Variants in KLHL13 observed in about 807,000 individuals in gnomAD.
KLHL13 encodes the protein kelch like family member 13.
Under a neutral mutation model 37.1 loss-of-function variants are expected in KLHL13, and 10 were observed. The observed-to-expected ratio is 0.27, with a 90% confidence interval of 0.17 to 0.46. KLHL13 has a LOEUF of 0.46. Ranked by LOEUF, KLHL13 falls within the 20% of genes least tolerant of loss-of-function variation. KLHL13 has a pLI of 1.00. For missense variants in KLHL13, 360 were observed against 509.3 expected (o/e 0.71, Z 2.82); for synonymous variants, 163 against 181.2 (o/e 0.90, Z 0.81).
upstream of KLHL13, among the ~76,000 whole-genome samples, chrX:117,975,670 C>T (rs1194546505): frequency 1.4e-4 from 16 of 112,103 alleles, no homozygotes; most frequent in African/African-American, 5.2e-4. Context: ...GGATTAAAGG[C>T]GTGAGCCACC....
intron 1 of KLHL13, among the ~76,000 whole-genome samples, chrX:118,038,459 G>A (rs1462444784): frequency 1.8e-5 from 2 of 111,492 alleles, no homozygotes; most frequent in Admixed American, 9.5e-5. Context: ...CCCTGGCAGT[G>A]GCCACATTGT....
At chrX:118,053,848 A>AGGAGAGAGAGAGAGAGAGAGAGGGGG (rs2054653104) in intron 1 of KLHL13, among the ~76,000 whole-genome samples, 1 of 28,831 alleles carries the variant, frequency 3.5e-5, no homozygotes, top group Non-Finnish European at 5.3e-5. Context: ...AGAGAGAGAG[A>AGGAGAGAGAGAGAGAGAGAGAGGGGG]GGAGAGAGAG....
chrX:117,935,025 GTGTGAATATAAAA>G (rs1402095111), intron 2 of KLHL13, among the ~76,000 whole-genome samples: 1 of 112,336 alleles, frequency 8.9e-6, no homozygotes, highest in African/African-American at 3.2e-5. Flanking sequence ...TGCACTGCCA[GTGTGAATATAAAA>G]TGGTGCAGAT....
intron 1 of KLHL13, among the ~76,000 whole-genome samples, chrX:117,992,554 C>G (rs2053806593): frequency 9.0e-6 from 1 of 110,623 alleles, no homozygotes; most frequent in South Asian, 3.9e-4. Context: ...CATACACACA[C>G]CCTAATTAGA....
chrX:117,972,665 C>A, intron 1 of KLHL13: 1 of 991,238 alleles, frequency 1.0e-6, no homozygotes, highest in Non-Finnish European at 1.4e-6. Flanking sequence ...TCCCCCGCCC[C>A]CATTTTGCCA....
At chrX:118,027,468 A>C (rs1313947603) in intron 1 of KLHL13, among the ~76,000 whole-genome samples, 1 of 111,442 alleles carries the variant, frequency 9.0e-6, no homozygotes, top group Admixed American at 9.6e-5. Context: ...ACACTTAAAA[A>C]AGCAACTTGA....
intron 1 of KLHL13, among the ~76,000 whole-genome samples, chrX:118,036,056 A>C (rs1488721831): frequency 9.7e-6 from 1 of 103,162 alleles, no homozygotes; most frequent in Non-Finnish European, 1.9e-5. Flanking sequence ...GGACCTCTTC[A>C]AGGAGAACTA....
At chrX:117,920,091 C>T in intron 3 of KLHL13, 147 bp downstream of exon 4, 1 of 519,511 alleles carries the variant, frequency 1.9e-6, no homozygotes, top group Admixed American at 4.3e-5. Flanking sequence ...GTTAAAACAG[C>T]ACCACCGAAA....
chrX:117,918,452 C>G (rs1602545841), intron 4 of KLHL13, among the ~76,000 whole-genome samples: 1 of 111,398 alleles, frequency 9.0e-6, no homozygotes, highest in African/African-American at 3.3e-5. Context: ...TATTAAGATT[C>G]ATATGAGTTA....
intron 2 of KLHL13, among the ~76,000 whole-genome samples, chrX:117,941,881 G>T (rs2085139223): frequency 9.0e-6 from 1 of 111,209 alleles, no homozygotes; most frequent in Non-Finnish European, 1.9e-5. Flanking sequence ...GCTAGCTTTT[G>T]AATTTGTTTG....
Position 117,991,137 on chromosome X carries a change from T to TAAAAAAA in KLHL13, c.-55-45569_-55-45563dup, listed in dbSNP as rs750755409. On this transcript the variant is annotated intron_variant, in intron 1 of 6. Transcript: ENST00000371882. ...AAGGCTGGAAATTTTCATTAAAAAG[T>TAAAAAAA]AAAAAAAAAAAAGTCTTATAAATGA... Among the ~76,000 whole-genome samples, 221 of 83,883 alleles carry TAAAAAAA rather than the reference T, an allele frequency of 2.6e-3. 24 individuals are homozygous for TAAAAAAA. Among genetic ancestry groups the TAAAAAAA allele is most frequent in the African/African-American group, 0.015 (205 of 13,332 alleles). 72.8% of individuals were successfully genotyped at this position (83,883 alleles called of 115,157 possible).
chrX:118,025,929 T>C (rs755666958), intron 1 of KLHL13, among the ~76,000 whole-genome samples: 1 of 111,596 alleles, frequency 9.0e-6, no homozygotes, highest in African/African-American at 3.2e-5. Context: ...TATTTGTGAG[T>C]AGAAGAGATG....
intron 1 of KLHL13, among the ~76,000 whole-genome samples, chrX:118,108,709 G>T (rs1035029084): frequency 8.9e-6 from 1 of 112,766 alleles, no homozygotes; most frequent in Non-Finnish European, 1.9e-5. Context: ...AGACAGGCAA[G>T]TGTGCACAGA....
intron 1 of KLHL13, among the ~76,000 whole-genome samples, chrX:118,081,658 C>G (rs1401141352): frequency 9.0e-6 from 1 of 111,267 alleles, no homozygotes; most frequent in Non-Finnish European, 1.9e-5. Context: ...ACTACAGTCA[C>G]TCTATTGTGC....
At chrX:118,067,851 G>C (rs2054811170) in intron 1 of KLHL13, among the ~76,000 whole-genome samples, 1 of 111,228 alleles carries the variant, frequency 9.0e-6, no homozygotes, top group Non-Finnish European at 1.9e-5. Flanking sequence ...TTAGGTTTTT[G>C]TATACATAGA....
chrX:118,068,815 C>T (rs1461293844), intron 1 of KLHL13, among the ~76,000 whole-genome samples: 1 of 110,820 alleles, frequency 9.0e-6, no homozygotes, highest in Non-Finnish European at 1.9e-5. Flanking sequence ...CTCAAACCAC[C>T]CCTGCTTAGT....
Position 118,069,502 on chromosome X carries a change from T to C in KLHL13, c.-56+47006A>G, listed in dbSNP as rs930377447. 1.2e-4 allele frequency among the ~76,000 whole-genome samples: 12 copies of C among 103,226 alleles called. No homozygotes were observed. In the Admixed American group the frequency reaches 1.2e-3, roughly 11 times the overall value. 89.6% of individuals were successfully genotyped at this position (103,226 alleles called of 115,157 possible). ...AAGCCAAGACTTCACCATTATACAA[T>C]ATACCCATGTACCAAAATTGAACTT... On this transcript the variant is annotated intron_variant, in intron 1 of 6. Coordinates refer to the KLHL13 transcript ENST00000371882.
At chrX:117,943,791 G>A (rs893778514) in intron 2 of KLHL13, among the ~76,000 whole-genome samples, 1 of 109,475 alleles carries the variant, frequency 9.1e-6, no homozygotes, top group Non-Finnish European at 1.9e-5. Context: ...TAGCTCGGAG[G>A]AGTTTGCTGT....
intron 1 of KLHL13, among the ~76,000 whole-genome samples, chrX:118,112,685 A>G (rs1602734512): frequency 8.9e-6 from 1 of 111,980 alleles, no homozygotes; most frequent in East Asian, 2.8e-4. Context: ...GATGAAGGTT[A>G]TTTTGCAGGT....
Sources: gnomAD v4.1 joint callset for allele counts (sites outside exome capture counted in the v4.1 genomes callset) on GRCh38, gnomAD v4.1.1 for gene constraint, MANE v1.5 for transcripts, NCBI Gene and HGNC (gene_info 2026-07-23, HGNC 2026-07-21) for gene names.